Variants in HSDL2 observed in about 807,000 individuals in gnomAD.
HSDL2 encodes hydroxysteroid dehydrogenase-like protein 2.
HSDL2 carries 27 observed loss-of-function variants against 46.3 expected under a neutral mutation model. The ratio of observed to expected loss-of-function variants is 0.58; its 90% CI spans 0.43 to 0.80. HSDL2 has a LOEUF of 0.80. Among genes scored for constraint, HSDL2 ranks in the 30% least tolerant of loss-of-function variants. The pLI, the probability that HSDL2 is intolerant of heterozygous loss-of-function variation, is 0.00. For missense variants in HSDL2, 451 were observed against 502.7 expected (o/e 0.90, Z 0.98); for synonymous variants, 153 against 163.6 (o/e 0.94, Z 0.50).
rs147228210 is a variant in HSDL2 at position 112,452,804 on chromosome 9, C to T, written c.866-1209C>T. Among the ~76,000 whole-genome samples, 651 of 152,262 alleles carry T rather than the reference C, an allele frequency of 4.3e-3. 3 individuals carry two copies. Among genetic ancestry groups the T allele is most frequent in the African/African-American group, 0.015 (609 of 41,550 alleles). ...GCAGCATCATGATATGGGAGCAAAG[C>T]AGTCCTATGAACTGCTGTCTTCTCC... On this transcript the variant is annotated intron_variant, in intron 8 of 10. Transcript: ENST00000398805.
In HSDL2 at chr9:112,432,188, T is replaced by G. The variant is rs547508615; in HGVS notation, c.599-6243T>G. 6.0e-4 allele frequency among the ~76,000 whole-genome samples: 92 copies of G among 152,162 alleles called. 1 individual carries two copies. Among genetic ancestry groups the G allele is most frequent in the African/African-American group, 2.2e-3 (92 of 41,532 alleles). On this transcript the variant is annotated intron_variant, in intron 6 of 10. Transcript: ENST00000398805. Reference sequence around the variant, plus strand: ...TGAGCCACTGTGCCGAGCCTAGGTATTTCTTTATAGTAATGCGAGAACAGA... The same window carrying G: ...TGAGCCACTGTGCCGAGCCTAGGTAGTTCTTTATAGTAATGCGAGAACAGA...
At chr9:112,425,638 G>C (rs1832227018) in intron 6 of HSDL2, among the ~76,000 whole-genome samples, 1 of 152,034 alleles carries the variant, frequency 6.6e-6, no homozygotes, top group Non-Finnish European at 1.5e-5. Flanking sequence ...GTCACATTTT[G>C]TTTAATTTTC....
intron 1 of HSDL2, among the ~76,000 whole-genome samples, chr9:112,396,967 C>T (rs1831471370): frequency 6.6e-6 from 1 of 152,120 alleles, no homozygotes; most frequent in African/African-American, 2.4e-5. Flanking sequence ...CTGAGACTGG[C>T]CCCGCTTCCG....
At chr9:112,462,413 A>C (rs1439119069) in intron 10 of HSDL2, among the ~76,000 whole-genome samples, 1 of 151,660 alleles carries the variant, frequency 6.6e-6, no homozygotes, top group African/African-American at 2.4e-5. Context: ...CAGTGAGCTG[A>C]GATCGAGCCA....
intron 1 of HSDL2, among the ~76,000 whole-genome samples, chr9:112,388,272 C>A (rs941852435): frequency 3.7e-4 from 56 of 151,322 alleles, no homozygotes; most frequent in African/African-American, 1.3e-3. Context: ...ACCAGCCTGA[C>A]CAACATGGTG....
intron 1 of HSDL2, among the ~76,000 whole-genome samples, chr9:112,385,495 ATTTTTT>A (rs60858988): frequency 7.6e-6 from 1 of 130,850 alleles, no homozygotes; most frequent in Non-Finnish European, 1.6e-5. Context: ...CACCTGGCTA[ATTTTTT>A]TTTTTTTTGA....
At chr9:112,443,773 G>GT (rs1159519859) in intron 8 of HSDL2, among the ~76,000 whole-genome samples, 1 of 152,180 alleles carries the variant, frequency 6.6e-6, no homozygotes, top group African/African-American at 2.4e-5. Flanking sequence ...TGATAATCCA[G>GT]TTTATTAATT....
At chr9:112,456,743 G>A (rs1399212301) in intron 9 of HSDL2, among the ~76,000 whole-genome samples, 2 of 152,102 alleles carry the variant, frequency 1.3e-5, no homozygotes, top group Non-Finnish European at 2.9e-5. Flanking sequence ...GCCTGAAAAC[G>A]TCCAAAACAA....
chr9:112,430,234 G>A (rs556660943), intron 6 of HSDL2, among the ~76,000 whole-genome samples: 60 of 152,262 alleles, frequency 3.9e-4, no homozygotes, highest in Middle Eastern at 3.4e-3. Context: ...TTAGTCTTGG[G>A]GGTAATACAG....
At chr9:112,380,484 G>T (rs1267763662) in intron 1 of HSDL2, among the ~76,000 whole-genome samples, 1 of 152,212 alleles carries the variant, frequency 6.6e-6, no homozygotes, top group Non-Finnish European at 1.5e-5. Context: ...AGTTTAGCAG[G>T]AGTGCGTGCC....
At chr9:112,430,333 A>G (rs887215783) in intron 6 of HSDL2, among the ~76,000 whole-genome samples, 1 of 152,184 alleles carries the variant, frequency 6.6e-6, no homozygotes. Context: ...GGCATGATGC[A>G]AGAGCAGGGA....
intron 6 of HSDL2, among the ~76,000 whole-genome samples, chr9:112,423,003 G>A (rs772903651): frequency 1.5e-4 from 23 of 152,210 alleles, no homozygotes; most frequent in Admixed American, 1.2e-3. Flanking sequence ...GGGAAGATAT[G>A]TGGATATGCT....
chr9:112,468,968 A>G (rs1833482227), intron 10 of HSDL2, among the ~76,000 whole-genome samples: 1 of 152,180 alleles, frequency 6.6e-6, no homozygotes, highest in Non-Finnish European at 1.5e-5. Flanking sequence ...GGACACCCAG[A>G]TGTCTGTATC....
chr9:112,455,686 A>T (rs189882650), intron 9 of HSDL2, among the ~76,000 whole-genome samples: 1 of 152,358 alleles, frequency 6.6e-6, no homozygotes, highest in Admixed American at 6.5e-5. Context: ...TGCATTTTCC[A>T]TAGTGACTAT....
chr9:112,453,245 T>C (rs928622435), intron 8 of HSDL2, among the ~76,000 whole-genome samples: 3 of 152,186 alleles, frequency 2.0e-5, no homozygotes, highest in African/African-American at 4.8e-5. Context: ...TCAGTTTAGC[T>C]CCACCAGTTC....
intron 6 of HSDL2, among the ~76,000 whole-genome samples, chr9:112,421,705 A>C (rs1832128458): frequency 6.6e-6 from 1 of 152,064 alleles, no homozygotes. Flanking sequence ...CGGCCTTATT[A>C]CATTTTTGAA....
intron 6 of HSDL2, among the ~76,000 whole-genome samples, chr9:112,436,258 A>G (rs1832521984): frequency 6.6e-6 from 1 of 151,580 alleles, no homozygotes; most frequent in African/African-American, 2.4e-5. Context: ...AAAAAAAAAA[A>G]AAAAAAAAAT....
rs1464305466 is a variant in HSDL2 at position 112,459,615 on chromosome 9, G to A, written c.1144+38G>A. 4.4e-6 allele frequency: 7 copies of A among 1,581,602 alleles called. No homozygotes were observed. In the East Asian group the frequency reaches 1.4e-4, roughly 31 times the overall value. The stretch of plus-strand genomic sequence containing the variant: ...GTTTATTAGTTTACCTTATTGTTCA[G>A]AGAAAATTTAGTTCTGACATTTTGC... On this transcript the variant is annotated intron_variant, in intron 10 of 10. Transcript: ENST00000398805.
At position 112,464,021 on chromosome 9, in the gene HSDL2, T is replaced by G. The variant is rs375666729; in HGVS notation, c.1144+4444T>G. ...TGATTTAAACATATTTTCATGTGTT[T>G]GATAGCTACTTATATTGGGTGAATT... On this transcript the variant is annotated intron_variant, in intron 10 of 10. Coordinates refer to ENST00000398805, the MANE Select transcript of HSDL2 (RefSeq NM_032303.5). 4.6e-5 allele frequency among the ~76,000 whole-genome samples: 7 copies of G among 152,310 alleles called. No homozygotes were observed. In the South Asian group the frequency reaches 8.3e-4, roughly 18 times the overall value.
Sources: gnomAD v4.1 joint callset for allele counts (sites outside exome capture counted in the v4.1 genomes callset) on GRCh38, gnomAD v4.1.1 for gene constraint, MANE v1.5 for transcripts, NCBI Gene and HGNC (gene_info 2026-07-23, HGNC 2026-07-21) for gene names.